Variants in PRSS23 observed in about 807,000 individuals in gnomAD.
PRSS23 encodes the protein serine protease 23.
In PRSS23, 25 loss-of-function variants were observed where a neutral mutation model predicts 34.7. The ratio of observed to expected loss-of-function variants is 0.72; its 90% confidence interval spans 0.53 to 1.01. PRSS23 has a LOEUF of 1.01. Among genes scored for constraint, PRSS23 ranks in the 50% least tolerant of loss-of-function variants. The pLI is 0.00. For missense variants in PRSS23, 445 were observed against 475.6 expected (o/e 0.94, Z 0.60); for synonymous variants, 176 against 186.6 (o/e 0.94, Z 0.46).
chr11:86,897,926 A>G (rs1590919113), intron 2 of PRSS23, among the ~76,000 whole-genome samples: 1 of 152,338 alleles, frequency 6.6e-6, no homozygotes, highest in East Asian at 1.9e-4. Flanking sequence ...AAATAACATG[A>G]AAGAGGCAAA....
Position 86,913,005 on chromosome 11 carries a change from G to T in PRSS23, c.207-38211G>T, listed in dbSNP as rs955349099. ...AGACACCAAGTGAAATCTCTGTTTA[G>T]TTGTTTTGGCCTTAGTTGGGCTGCT... On this transcript the variant is annotated intron_variant, in intron 2 of 2. Transcript: ENST00000533902. Among the ~76,000 whole-genome samples, 3 of 152,300 alleles carry T rather than the reference G, an allele frequency of 2.0e-5. No individual in the cohort carries two copies. In the South Asian group the frequency reaches 6.2e-4, roughly 32 times the overall value.
At chr11:86,855,477 C>T (rs1948562924) in intron 2 of PRSS23, among the ~76,000 whole-genome samples, 1 of 152,140 alleles carries the variant, frequency 6.6e-6, no homozygotes, top group African/African-American at 2.4e-5. Context: ...CACCTTGATA[C>T]TCTCCACCTT....
At chr11:86,845,163 T>C (rs1367730963) in intron 2 of PRSS23, among the ~76,000 whole-genome samples, 1 of 151,858 alleles carries the variant, frequency 6.6e-6, no homozygotes, top group Non-Finnish European at 1.5e-5. Context: ...CCAAGGAAGG[T>C]TCTATTCAAT....
At chr11:86,853,668 G>A (rs1948547811) in intron 2 of PRSS23, among the ~76,000 whole-genome samples, 1 of 152,130 alleles carries the variant, frequency 6.6e-6, no homozygotes, top group Admixed American at 6.5e-5. Context: ...TTTTGCTGTT[G>A]TGAATAATGC....
Position 86,810,161 on chromosome 11 carries a change from T to G in PRSS23, c.*1366T>G, listed in dbSNP as rs1162841796. 6.0e-6 allele frequency: 1 copy of G among 166,522 alleles called. No individual in the cohort carries two copies. The highest frequency in any genetic ancestry group is 1.5e-5 in the Non-Finnish European group (1 of 68,126). 10.3% of individuals were successfully genotyped at this position (166,522 alleles called of 1,614,324 possible). On this transcript the variant is annotated 3_prime_UTR_variant, in exon 2 of 2. Transcript: ENST00000280258. ...AAATCACAGCATATACAGAAAAGACTTGGACTTATTGTATGTTTTTATTTT... is the reference window on the plus strand; with the variant it reads ...AAATCACAGCATATACAGAAAAGACGTGGACTTATTGTATGTTTTTATTTT...
chr11:86,817,262 T>C (rs1475952486), intron 1 of PRSS23, among the ~76,000 whole-genome samples: 2 of 152,216 alleles, frequency 1.3e-5, no homozygotes, highest in African/African-American at 4.8e-5. Context: ...ACTTTTTATA[T>C]GGTGTTCCTT....
rs374469283 is a variant in PRSS23, at chr11:86,807,995, T to C, written c.352T>C (p.Ser118Pro). Residue 118 changes from serine (S) to proline (P), a missense_variant, in exon 2 of 2, where the codon TCA (serine) becomes CCA (proline). Transcript: ENST00000280258. ...TGGAGATGGGGCCCAACACCGAGAC[T>C]CAGGGTCTTCAGGAAAGTCTCGAAG... ...SSGDGAQHRD[S>P]GSSGKSRRKR... The C allele has an allele frequency of 8.8e-5, 142 of 1,613,806 alleles. No homozygotes were observed. Among genetic ancestry groups the C allele is most frequent in the Non-Finnish European group, 1.2e-4 (136 of 1,179,986 alleles).
At chr11:86,886,741 C>T (rs1565377165) in intron 2 of PRSS23, among the ~76,000 whole-genome samples, 1 of 152,100 alleles carries the variant, frequency 6.6e-6, no homozygotes, top group East Asian at 1.9e-4. Context: ...AAGTTTGAGA[C>T]CAGCCTGGCC....
intron 2 of PRSS23, chr11:86,832,642 A>G: frequency 8.6e-6 from 4 of 464,772 alleles, no homozygotes; most frequent in Non-Finnish European, 1.7e-5. Context: ...AGGCCACTGC[A>G]CCCTTTCTGG....
chr11:86,883,147 G>A (rs1948782090), intron 2 of PRSS23, among the ~76,000 whole-genome samples: 1 of 152,122 alleles, frequency 6.6e-6, no homozygotes, highest in South Asian at 2.1e-4. Flanking sequence ...CTCCTATTCT[G>A]TAGATTGTCT....
chr11:86,833,025 A>G, intron 2 of PRSS23: 1 of 447,242 alleles, frequency 2.2e-6, no homozygotes. Context: ...ACACAAAACT[A>G]GGAAGCCACA....
intron 2 of PRSS23, among the ~76,000 whole-genome samples, chr11:86,830,649 A>G (rs982621526): frequency 3.3e-5 from 5 of 152,042 alleles, no homozygotes; most frequent in African/African-American, 1.2e-4. Flanking sequence ...ACTCTGTAAT[A>G]TCCTATAGAA....
intron 2 of PRSS23, among the ~76,000 whole-genome samples, chr11:86,835,413 TTCTGTGACA>T (rs1948397117): frequency 6.6e-6 from 1 of 152,248 alleles, no homozygotes; most frequent in Non-Finnish European, 1.5e-5. Flanking sequence ...TTCCTGTTTT[TTCTGTGACA>T]TATAAAGAAA....
At chr11:86,839,411 G>T (rs1948431013) in intron 2 of PRSS23, among the ~76,000 whole-genome samples, 1 of 151,904 alleles carries the variant, frequency 6.6e-6, no homozygotes, top group Non-Finnish European at 1.5e-5. Context: ...GAAAAAAGAG[G>T]GAAAAAACCT....
intron 1 of PRSS23, among the ~76,000 whole-genome samples, chr11:86,805,434 A>G (rs1402602741): frequency 6.6e-6 from 1 of 152,218 alleles, no homozygotes; most frequent in Admixed American, 6.5e-5. Flanking sequence ...CCCAACAAGC[A>G]CATACAAACA....
At chr11:86,817,469 T>C (rs1409310829) in intron 1 of PRSS23, among the ~76,000 whole-genome samples, 1 of 152,224 alleles carries the variant, frequency 6.6e-6, no homozygotes, top group Admixed American at 6.5e-5. Flanking sequence ...CTCTATACTT[T>C]TATTGAAATA....
rs148443117 is a variant in PRSS23, at chr11:86,859,687, T to C, written c.206+36094T>C. Among the ~76,000 whole-genome samples the C allele has an allele frequency of 2.8e-3, 422 of 151,972 alleles. 3 individuals carry two copies. The highest frequency in any genetic ancestry group is 9.8e-3 in the African/African-American group (404 of 41,428). On this transcript the variant is annotated intron_variant, in intron 2 of 2. Transcript: ENST00000533902. ...CAAAAAGATGATATTACTCCCAATA[T>C]CCCAGAAAGTGTACACCCCCCCTTC...
chr11:86,856,780 G>A (rs1165701486), intron 2 of PRSS23, among the ~76,000 whole-genome samples: 1 of 152,142 alleles, frequency 6.6e-6, no homozygotes, highest in Non-Finnish European at 1.5e-5. Context: ...TAAAAAGATG[G>A]TTGTGATTTC....
In PRSS23 at chr11:86,801,287, T is replaced by C. The variant is rs146813089; in HGVS notation, c.-14+636T>C. Among the ~76,000 whole-genome samples the C allele has an allele frequency of 1.2e-4, 18 of 152,324 alleles. 1 individual carries two copies. Among genetic ancestry groups the C allele is most frequent in the Admixed American group, 3.9e-4 (6 of 15,300 alleles). On this transcript the variant is annotated intron_variant, in intron 1 of 1. Coordinates refer to ENST00000280258, the MANE Select transcript of PRSS23 (RefSeq NM_007173.6). ...TAGTTCTTCTGCCTGTAGGCATTCA[T>C]CACGAGTTAACTTTTAAATAAAAGT... is the stretch of plus-strand genomic sequence containing the variant.
Sources: allele counts gnomAD v4.1 joint callset (sites outside exome capture counted in the v4.1 genomes callset), GRCh38; gene constraint gnomAD v4.1.1; transcripts MANE v1.5; gene names NCBI Gene and HGNC (gene_info 2026-07-23, HGNC 2026-07-21).